ADGRF5: variants seen among roughly 807,000 people sequenced by gnomAD.
The protein encoded by ADGRF5 is adhesion G protein-coupled receptor F5, also known as G-protein coupled receptor 116.
A neutral mutation model predicts 132.3 loss-of-function variants in ADGRF5; 75 were observed. The observed-to-expected ratio is 0.57, with a 90% CI of 0.47 to 0.69. The LOEUF (loss-of-function observed/expected upper bound fraction) is 0.69. Ranked by LOEUF, ADGRF5 falls within the 30% of genes least tolerant of loss-of-function variation. The pLI is 0.00. For synonymous variants in ADGRF5, 629 were observed against 597.6 expected (o/e 1.05, Z -0.77); for missense variants, 1,516 against 1,630.6 (o/e 0.93, Z 1.21).
chr6:46,858,534 G>A lies in ADGRF5; in HGVS notation c.3369C>T (p.Ser1123=), dbSNP rs1769326086. 6.2e-7 allele frequency: 1 copy of A among 1,613,798 alleles called. No individual in the cohort carries two copies. The highest frequency in any genetic ancestry group is 1.3e-5 in the African/African-American group (1 of 74,886). ...AGGCAATGGCTTTCTGAGTGGACCTGCTTGTTTCATGCAGAATGAAAACCA... is the reference window on the plus strand; with the variant it reads ...AGGCAATGGCTTTCTGAGTGGACCTACTTGTTTCATGCAGAATGAAAACCA... ...YRLVFILHET[S]RSTQKAIAFC... Residue 1123 remains serine, a synonymous_variant, in exon 17 of 21, where the codon AGC becomes AGT. Coordinates refer to ENST00000283296, the MANE Select transcript of ADGRF5 (RefSeq NM_001098518.2).
chr6:46,884,594 C>T (rs920691686), intron 4 of ADGRF5, among the ~76,000 whole-genome samples: 3 of 152,198 alleles, frequency 2.0e-5, no homozygotes, highest in Non-Finnish European at 2.9e-5. Flanking sequence ...CCAAGATGAC[C>T]TTTGCCCATC....
chr6:46,928,113 C>T (rs1475555569), intron 1 of ADGRF5, among the ~76,000 whole-genome samples: 5 of 152,134 alleles, frequency 3.3e-5, no homozygotes, highest in African/African-American at 4.8e-5. Flanking sequence ...GATTGGGTTC[C>T]AGACGAAGCA....
rs114181188 is a variant in ADGRF5 at position 46,904,305 on chromosome 6, G to A, written c.102+2356C>T. 6.3e-3 allele frequency among the ~76,000 whole-genome samples: 966 copies of A among 152,314 alleles called. 7 individuals carry two copies. Among genetic ancestry groups the A allele is most frequent in the Middle Eastern group, 0.01 (3 of 294 alleles). On this transcript the variant is annotated intron_variant, in intron 2 of 20. Coordinates refer to ENST00000283296, the MANE Select transcript of ADGRF5 (RefSeq NM_001098518.2). ...CAAGAGGTGGAAGCAACTCATGTCC[G>A]TGGATGGATGAGTGGACAAACAAAA...
intron 1 of ADGRF5, among the ~76,000 whole-genome samples, chr6:46,953,334 C>A (rs1191222344): frequency 6.6e-6 from 1 of 152,080 alleles, no homozygotes; most frequent in East Asian, 1.9e-4. Context: ...AGAAATATTT[C>A]ACTGAGGTCG....
intron 14 of ADGRF5, 139 bp downstream of exon 14, chr6:46,864,903 C>G (rs1770233390): frequency 3.3e-6 from 2 of 598,452 alleles, no homozygotes; most frequent in Non-Finnish European, 5.9e-6. Flanking sequence ...CTTTTAAATA[C>G]CACTATGGTG....
At chr6:46,931,955 A>G (rs1777575705) in intron 1 of ADGRF5, among the ~76,000 whole-genome samples, 1 of 152,136 alleles carries the variant, frequency 6.6e-6, no homozygotes, top group African/African-American at 2.4e-5. Context: ...CTAAAACAGA[A>G]TCAATTTAAT....
chr6:46,950,953 A>T (rs1582092918), intron 1 of ADGRF5, among the ~76,000 whole-genome samples: 1 of 152,264 alleles, frequency 6.6e-6, no homozygotes, highest in Non-Finnish European at 1.5e-5. Context: ...CAGGAGATTA[A>T]AAACCAGGTC....
intron 1 of ADGRF5, among the ~76,000 whole-genome samples, chr6:46,920,526 T>TTG (rs1554212964): frequency 9.8e-6 from 1 of 102,070 alleles, no homozygotes; most frequent in Non-Finnish European, 2.0e-5. Flanking sequence ...GAATAATATT[T>TTG]GGGGGGGGGG....
At chr6:46,876,381 A>G (rs1458745835) in intron 10 of ADGRF5, among the ~76,000 whole-genome samples, 1 of 152,168 alleles carries the variant, frequency 6.6e-6, no homozygotes, top group Non-Finnish European at 1.5e-5. Flanking sequence ...GTACCACAGG[A>G]ATTGTGCAAG....
chr6:46,880,255 C>T (rs567198346), intron 8 of ADGRF5, among the ~76,000 whole-genome samples: 12 of 152,170 alleles, frequency 7.9e-5, no homozygotes, highest in Admixed American at 2.0e-4. Context: ...CAGGGTTTCC[C>T]GACTGGGGTG....
At chr6:46,942,710 T>C (rs1778140035) in intron 1 of ADGRF5, among the ~76,000 whole-genome samples, 1 of 152,200 alleles carries the variant, frequency 6.6e-6, no homozygotes, top group African/African-American at 2.4e-5. Flanking sequence ...GTCTCTCTAT[T>C]TCTCTTTCAT....
intron 1 of ADGRF5, among the ~76,000 whole-genome samples, chr6:46,912,369 T>C (rs1217419179): frequency 6.6e-6 from 1 of 151,948 alleles, no homozygotes; most frequent in African/African-American, 2.4e-5. Flanking sequence ...GGAAGATGGT[T>C]CTAGGTGGAA....
chr6:46,916,843 G>C (rs113163232), intron 1 of ADGRF5, among the ~76,000 whole-genome samples: 63 of 152,294 alleles, frequency 4.1e-4, no homozygotes, highest in Middle Eastern at 3.4e-3. Context: ...CTTGAGTATA[G>C]AGCAAACTGA....
intron 1 of ADGRF5, among the ~76,000 whole-genome samples, chr6:46,940,797 A>G (rs1032253861): frequency 1.3e-5 from 2 of 152,226 alleles, no homozygotes; most frequent in African/African-American, 4.8e-5. Context: ...GAACCAGAAT[A>G]TCAGGAATAT....
chr6:46,885,220 AAAAGAAAG>A (rs1772941868), intron 4 of ADGRF5, among the ~76,000 whole-genome samples: 1 of 151,814 alleles, frequency 6.6e-6, no homozygotes, highest in Non-Finnish European at 1.5e-5. Flanking sequence ...AAGAAAAAGA[AAAAGAAAG>A]AAAGGAAGAA....
intron 3 of ADGRF5, among the ~76,000 whole-genome samples, chr6:46,898,825 T>C (rs966390344): frequency 2.6e-5 from 4 of 152,026 alleles, no homozygotes; most frequent in Non-Finnish European, 5.9e-5. Flanking sequence ...TGTGATAGGG[T>C]AAAAAATTTT....
chr6:46,914,206 A>C (rs777104291), intron 1 of ADGRF5, among the ~76,000 whole-genome samples: 3 of 152,224 alleles, frequency 2.0e-5, no homozygotes, highest in Non-Finnish European at 4.4e-5. Flanking sequence ...GAGTTGCAAT[A>C]AGGATAGAAT....
chr6:46,926,943 G>A (rs748288299), intron 1 of ADGRF5, among the ~76,000 whole-genome samples: 3 of 151,960 alleles, frequency 2.0e-5, no homozygotes, highest in South Asian at 2.1e-4. Flanking sequence ...ACTTCTTTAC[G>A]TACATCCTGG....
At chr6:46,928,786 A>T (rs938359578) in intron 1 of ADGRF5, among the ~76,000 whole-genome samples, 2 of 152,168 alleles carry the variant, frequency 1.3e-5, no homozygotes, top group Non-Finnish European at 2.9e-5. Context: ...TCAAAACCAC[A>T]ATGAGATACC....
Sources: gnomAD v4.1 joint callset for allele counts (sites outside exome capture counted in the v4.1 genomes callset) on GRCh38, gnomAD v4.1.1 for gene constraint, MANE v1.5 for transcripts, NCBI Gene and HGNC (gene_info 2026-07-23, HGNC 2026-07-21) for gene names.